Variants in IGFBP2 observed in about 807,000 individuals in gnomAD.
The protein encoded by IGFBP2 is insulin like growth factor binding protein 2.
IGFBP2 carries 12 observed loss-of-function variants against 26.2 expected under a neutral mutation model. The ratio of observed to expected loss-of-function variants is 0.46; its 90% CI spans 0.29 to 0.74. The LOEUF is 0.74. IGFBP2 is among the 30% of genes least tolerant of loss of function. The pLI is 0.09. For synonymous variants in IGFBP2, 189 were observed against 200.6 expected (o/e 0.94, Z 0.49); for missense variants, 328 against 441.2 (o/e 0.74, Z 2.30).
intron 1 of IGFBP2, among the ~76,000 whole-genome samples, chr2:216,645,912 A>G (rs1574558413): frequency 6.6e-6 from 1 of 151,920 alleles, no homozygotes; most frequent in Non-Finnish European, 1.5e-5. Flanking sequence ...AGAAGTTAGG[A>G]CTCCCACTTG....
Position 216,643,707 on chromosome 2 carries a change from A to G in IGFBP2, c.442+9742A>G, listed in dbSNP as rs576660983. ...CAAAAAAATCTCATAATGTTTTAAG[A>G]AAGTTTACGAAATTGTGTTGGGCCA... On this transcript the variant is annotated intron_variant, in intron 1 of 3. Coordinates refer to ENST00000233809, the MANE Select transcript of IGFBP2 (RefSeq NM_000597.3). Among the ~76,000 whole-genome samples, 3 of 152,292 alleles carry G rather than the reference A, an allele frequency of 2.0e-5. No individual in the cohort carries two copies. The East Asian group carries it at 5.8e-4, about 29-fold the overall frequency.
chr2:216,646,611 G>C (rs1384678943), intron 1 of IGFBP2, among the ~76,000 whole-genome samples: 1 of 152,256 alleles, frequency 6.6e-6, no homozygotes, highest in Non-Finnish European at 1.5e-5. Context: ...AGGTTTAATA[G>C]ACTCACAGTT....
chr2:216,642,716 T>C (rs1483538490), intron 1 of IGFBP2, among the ~76,000 whole-genome samples: 1 of 152,114 alleles, frequency 6.6e-6, no homozygotes, highest in African/African-American at 2.4e-5. Flanking sequence ...GTGTCTAGAA[T>C]GGGGGTTGGA....
chr2:216,651,262 T>C (rs2106199143), intron 1 of IGFBP2, among the ~76,000 whole-genome samples: 1 of 152,332 alleles, frequency 6.6e-6, no homozygotes, highest in African/African-American at 2.4e-5. Context: ...CCTGAATTAC[T>C]AATCCCAGCC....
rs774340594 is a variant in IGFBP2 at position 216,633,928 on chromosome 2, G to A, written c.405G>A (p.Arg135=). 1.9e-6 allele frequency: 3 copies of A among 1,603,330 alleles called. No individual in the cohort carries two copies. Among genetic ancestry groups the A allele is most frequent in the Non-Finnish European group, 2.6e-6 (3 of 1,176,402 alleles). ...GCGAGGGCACTTGTGAGAAGCGCCG[G>A]GACGCCGAGTATGGCGCCAGCCCGG... ...VMGEGTCEKR[R]DAEYGASPEQ... Residue 135 remains arginine (R), a synonymous_variant, in exon 1 of 4, where the codon CGG becomes CGA. Transcript: ENST00000233809.
intron 1 of IGFBP2, among the ~76,000 whole-genome samples, chr2:216,641,236 A>G (rs1697606817): frequency 6.6e-6 from 1 of 152,162 alleles, no homozygotes; most frequent in African/African-American, 2.4e-5. Context: ...CTCCTTGACA[A>G]TTAGCTGGCC....
At chr2:216,661,579 G>T in intron 2 of IGFBP2, 1 of 521,386 alleles carries the variant, frequency 1.9e-6, no homozygotes, top group East Asian at 3.6e-5. Context: ...ATATTTGGAG[G>T]CAGAGCCCAT....
chr2:216,634,991 A>G, intron 1 of IGFBP2, among the ~76,000 whole-genome samples: 1 of 149,204 alleles, frequency 6.7e-6, no homozygotes, highest in South Asian at 2.1e-4. Context: ...AAATGTGTCC[A>G]CTGCCTGCTG....
chr2:216,648,532 A>G (rs1356974321), intron 1 of IGFBP2, among the ~76,000 whole-genome samples: 1 of 152,174 alleles, frequency 6.6e-6, no homozygotes, highest in East Asian at 1.9e-4. Flanking sequence ...GTAGGGCTTC[A>G]GGGACACTTG....
chr2:216,633,926 C>T lies in IGFBP2; in HGVS notation c.403C>T (p.Arg135Trp). Residue 135 changes from arginine to tryptophan, a missense_variant, in exon 1 of 4, where the codon CGG becomes TGG. Arg to Trp is a moderately radical substitution (Grantham distance 101, BLOSUM62 -3). Coordinates refer to ENST00000233809, the MANE Select transcript of IGFBP2 (RefSeq NM_000597.3). ...VMGEGTCEKR[R>W]DAEYGASPEQ... Reference sequence around the variant, plus strand: ...GGGCGAGGGCACTTGTGAGAAGCGCCGGGACGCCGAGTATGGCGCCAGCCC... The same window carrying T: ...GGGCGAGGGCACTTGTGAGAAGCGCTGGGACGCCGAGTATGGCGCCAGCCC... The T allele has an allele frequency of 2.5e-6, 4 of 1,602,960 alleles. No homozygotes were observed. Among genetic ancestry groups the T allele is most frequent in the Non-Finnish European group, 3.4e-6 (4 of 1,176,274 alleles).
chr2:216,642,931 G>C (rs9341133), intron 1 of IGFBP2, among the ~76,000 whole-genome samples: 2,633 of 152,272 alleles, frequency 0.017, 37 homozygotes, highest in Middle Eastern at 0.041. Context: ...GGTCCTCTCT[G>C]TATAGATGGC....
At chr2:216,651,886 C>T (rs761024172) in intron 1 of IGFBP2, among the ~76,000 whole-genome samples, 35 of 152,200 alleles carry the variant, frequency 2.3e-4, no homozygotes, top group Non-Finnish European at 4.0e-4. Context: ...CTCAGCCTCT[C>T]AAGTAGCTGG....
intron 1 of IGFBP2, among the ~76,000 whole-genome samples, chr2:216,634,899 T>TC (rs1415879600): frequency 1.2e-5 from 1 of 81,248 alleles, no homozygotes; most frequent in Non-Finnish European, 2.7e-5. Context: ...TTACTTTTTT[T>TC]TTTTTTTAAT....
chr2:216,663,894 A>G (rs1349814654), intron 3 of IGFBP2, 46 bp from the exon 4 acceptor site: 1 of 1,579,194 alleles, frequency 6.3e-7, no homozygotes, highest in Non-Finnish European at 8.6e-7. Context: ...ACAGAAGGAA[A>G]GTTGCTGGCT....
At chr2:216,635,684 G>T (rs982293987) in intron 1 of IGFBP2, among the ~76,000 whole-genome samples, 4 of 151,958 alleles carry the variant, frequency 2.6e-5, no homozygotes, top group African/African-American at 9.7e-5. Flanking sequence ...CCCTGAAGCC[G>T]GTTAGGGTCT....
chr2:216,653,366 T>C (rs1559178444), intron 1 of IGFBP2, among the ~76,000 whole-genome samples: 1 of 152,148 alleles, frequency 6.6e-6, no homozygotes, highest in African/African-American at 2.4e-5. Flanking sequence ...CAGGATTACA[T>C]TGGAAAAATG....
At chr2:216,639,725 C>T (rs1439059248) in intron 1 of IGFBP2, among the ~76,000 whole-genome samples, 1 of 152,132 alleles carries the variant, frequency 6.6e-6, no homozygotes, top group East Asian at 1.9e-4. Flanking sequence ...TCACGGCAAC[C>T]TCTGCCTCCC....
chr2:216,650,697 G>T lies in IGFBP2; in HGVS notation c.443-9860G>T, dbSNP rs577336039. Among the ~76,000 whole-genome samples, 7 of 152,304 alleles carry T rather than the reference G, an allele frequency of 4.6e-5. No individual in the cohort carries two copies. In the South Asian group the frequency reaches 1.2e-3, roughly 27 times the overall value. On this transcript the variant is annotated intron_variant, in intron 1 of 3. Transcript: ENST00000233809. ...TCTCAGAAGAGAAAGGCCAGTTCTT[G>T]CAGTCGTGTGATCTTATAACCTAGG...
chr2:216,663,469 G>A (rs1688698132), intron 3 of IGFBP2: 1 of 152,870 alleles, frequency 6.5e-6, no homozygotes, highest in African/African-American at 2.4e-5. Context: ...GTGGTTGTGA[G>A]GATTAAATGA....
Sources: allele counts gnomAD v4.1 joint callset (sites outside exome capture counted in the v4.1 genomes callset), GRCh38; gene constraint gnomAD v4.1.1; transcripts MANE v1.5; gene names NCBI Gene and HGNC (gene_info 2026-07-23, HGNC 2026-07-21).